Variants in ITSN2 observed in about 807,000 individuals in gnomAD.
The protein encoded by ITSN2 is intersectin 2.
In ITSN2, 156 loss-of-function variants were observed where a neutral mutation model predicts 243.7. The ratio of observed to expected loss-of-function variants is 0.64; its 90% CI spans 0.56 to 0.73. The LOEUF is 0.73. Among genes scored for constraint, ITSN2 ranks in the 30% least tolerant of loss-of-function variants. ITSN2 has a pLI of 0.00. For missense variants in ITSN2, 1,801 were observed against 1,996.1 expected, an observed-to-expected ratio of 0.90 and a Z score of 1.86; for synonymous variants, 703 against 699.9, an observed-to-expected ratio of 1.00 and a Z score of -0.07.
intron 1 of ITSN2, among the ~76,000 whole-genome samples, chr2:24,358,045 C>T (rs1433463083): frequency 6.6e-6 from 1 of 152,184 alleles, no homozygotes; most frequent in Non-Finnish European, 1.5e-5. Context: ...TCCTGAGTAC[C>T]TGGGACTACA....
At chr2:24,308,858 T>G (rs1031535925) in intron 7 of ITSN2, 102 bp from the exon 8 acceptor site, 3 of 795,082 alleles carry the variant, frequency 3.8e-6, no homozygotes, top group Admixed American at 4.4e-5. Flanking sequence ...CCAGGGGTCC[T>G]GAACCCCCGG....
At chr2:24,256,747 T>C (rs527562686) in intron 23 of ITSN2, among the ~76,000 whole-genome samples, 1 of 151,564 alleles carries the variant, frequency 6.6e-6, no homozygotes, top group Non-Finnish European at 1.5e-5. Flanking sequence ...AACTGAAAAA[T>C]GAACAAATAA....
intron 37 of ITSN2, 35 bp from the exon 38 acceptor site, chr2:24,205,332 TCTC>T (rs1360451239): frequency 6.4e-7 from 1 of 1,558,782 alleles, no homozygotes; most frequent in Non-Finnish European, 8.8e-7. Context: ...ATTAATCTCT[TCTC>T]CAAGGATGCA....
At chr2:24,236,866 T>TA (rs1180013872) in intron 29 of ITSN2, among the ~76,000 whole-genome samples, 1 of 150,632 alleles carries the variant, frequency 6.6e-6, no homozygotes, top group Non-Finnish European at 1.5e-5. Context: ...CTTTTATTTT[T>TA]TATTTTTTTT....
chr2:24,359,811 T>A (rs1197559550), intron 1 of ITSN2, among the ~76,000 whole-genome samples: 2 of 152,152 alleles, frequency 1.3e-5, no homozygotes, highest in Non-Finnish European at 2.9e-5. Context: ...TGACTCGGGC[T>A]ACTTTGACGC....
intron 27 of ITSN2, among the ~76,000 whole-genome samples, chr2:24,248,396 A>G (rs1673679437): frequency 6.6e-6 from 1 of 152,156 alleles, no homozygotes; most frequent in African/African-American, 2.4e-5. Context: ...GAAAACAATT[A>G]TGTCTTTGGA....
intron 17 of ITSN2, among the ~76,000 whole-genome samples, chr2:24,281,334 A>G (rs966847608): frequency 6.6e-6 from 1 of 152,178 alleles, no homozygotes; most frequent in South Asian, 2.1e-4. Context: ...CCAGCCATCA[A>G]TAGGTTTTCA....
rs74936948 is a variant in ITSN2 at position 24,279,035 on chromosome 2, C to T, written c.1945-3186G>A. The stretch of plus-strand genomic sequence containing the variant: ...ATTACTAGTTTGCTAATAAGTTTTA[C>T]TTTTAAAATCATAAATGGATATTAA... On this transcript the variant is annotated intron_variant, in intron 17 of 39. Transcript: ENST00000355123. Among the ~76,000 whole-genome samples, 1,341 of 152,244 alleles carry T rather than the reference C, an allele frequency of 8.8e-3. 13 individuals are homozygous for T. The highest frequency in any genetic ancestry group is 0.015 in the Non-Finnish European group (1,012 of 67,998).
At chr2:24,313,319 CCTA>C (rs1683494697) in intron 4 of ITSN2, 138 bp downstream of exon 4, 6 of 585,458 alleles carry the variant, frequency 1.0e-5, no homozygotes, top group Admixed American at 6.3e-5. Flanking sequence ...AAGCAATCCT[CCTA>C]CCTCAGACTC....
intron 18 of ITSN2, among the ~76,000 whole-genome samples, chr2:24,275,104 T>C (rs548465380): frequency 4.7e-4 from 71 of 152,254 alleles, no homozygotes; most frequent in Non-Finnish European, 7.5e-4. Context: ...CTATATACAA[T>C]TAAGTATTCT....
At chr2:24,252,022 G>A (rs575721902) in intron 25 of ITSN2, among the ~76,000 whole-genome samples, 1 of 152,262 alleles carries the variant, frequency 6.6e-6, no homozygotes, top group East Asian at 1.9e-4. Context: ...ACTACTTCAA[G>A]GTGGTCCTTT....
At chr2:24,344,914 T>C (rs1478358931) in intron 1 of ITSN2, among the ~76,000 whole-genome samples, 1 of 152,326 alleles carries the variant, frequency 6.6e-6, no homozygotes, top group South Asian at 2.1e-4. Context: ...ATTGCGCCAG[T>C]GCATTCCAGC....
Position 24,204,759 on chromosome 2 carries a change from A to G in ITSN2, c.4763-341T>C. 2.0e-6 allele frequency: 1 copy of G among 502,114 alleles called. No individual in the cohort carries two copies. The highest frequency in any genetic ancestry group is 1.9e-5 in the African/African-American group (1 of 52,114). 31.1% of individuals were successfully genotyped at this position (502,114 alleles called of 1,614,324 possible). A position where few individuals can be genotyped will look rare whatever the true frequency, so the allele number is the denominator to read the frequency against. On this transcript the variant is annotated intron_variant, in intron 38 of 39. Coordinates refer to ENST00000355123, the MANE Select transcript of ITSN2 (RefSeq NM_006277.3). The surrounding 1 kb of genome is among the most constrained non-coding windows in gnomAD (Gnocchi z 5.1). ...ACTGGCACTTACTGGGAAAACAGTG[A>G]TAAGAATATTGGTCCAATATGCGCA...
chr2:24,336,464 G>A (rs750070152), intron 1 of ITSN2, among the ~76,000 whole-genome samples: 8 of 151,924 alleles, frequency 5.3e-5, no homozygotes, highest in Non-Finnish European at 7.4e-5. Flanking sequence ...TATGAAATAC[G>A]GCCCTCTTCA....
At chr2:24,337,330 A>G (rs1229326677) in intron 1 of ITSN2, among the ~76,000 whole-genome samples, 1 of 98,686 alleles carries the variant, frequency 1.0e-5, no homozygotes, top group African/African-American at 4.2e-5. Context: ...ATATATATAT[A>G]TATATATATA....
At chr2:24,328,619 C>T (rs781561074) in intron 1 of ITSN2, among the ~76,000 whole-genome samples, 8 of 152,072 alleles carry the variant, frequency 5.3e-5, no homozygotes, top group Admixed American at 1.3e-4. Flanking sequence ...TGCTCCACCA[C>T]ACCTGGCTAA....
intron 29 of ITSN2, among the ~76,000 whole-genome samples, chr2:24,245,477 CTTTT>C (rs1211938107): frequency 6.9e-6 from 1 of 144,936 alleles, no homozygotes. Flanking sequence ...TTGCTGGCTA[CTTTT>C]TTTTTTTTTT....
At chr2:24,308,165 T>C (rs957481336) in intron 8 of ITSN2, among the ~76,000 whole-genome samples, 7 of 152,196 alleles carry the variant, frequency 4.6e-5, no homozygotes, top group African/African-American at 1.7e-4. Flanking sequence ...AGGCCAAGTT[T>C]TACAGTCACA....
chr2:24,328,658 T>G (rs1475827150), intron 1 of ITSN2, among the ~76,000 whole-genome samples: 1 of 152,120 alleles, frequency 6.6e-6, no homozygotes, highest in African/African-American at 2.4e-5. Flanking sequence ...GGACAGGGTT[T>G]TGCCATGTTG....
Sources: allele counts gnomAD v4.1 joint callset (sites outside exome capture counted in the v4.1 genomes callset), GRCh38; gene constraint gnomAD v4.1.1; non-coding constraint Gnocchi (gnomAD v3.1); transcripts MANE v1.5; gene names NCBI Gene and HGNC (gene_info 2026-07-23, HGNC 2026-07-21).